Variants in GRM8 observed in about 807,000 individuals in gnomAD.
The protein encoded by GRM8 is metabotropic glutamate receptor 8.
A neutral mutation model predicts 87.2 loss-of-function variants in GRM8; 47 were observed. The ratio of observed to expected loss-of-function variants is 0.54; its 90% CI spans 0.43 to 0.69. The LOEUF (loss-of-function observed/expected upper bound fraction) is 0.69. GRM8 is among the 30% of genes least tolerant of loss of function. The pLI, the probability that GRM8 is intolerant of heterozygous loss-of-function variation, is 0.00. For missense variants in GRM8, 1,019 were observed against 1,139.2 expected, an observed-to-expected ratio of 0.89 and a Z score of 1.52; for synonymous variants, 396 against 404.5, an observed-to-expected ratio of 0.98 and a Z score of 0.25.
intron 3 of GRM8, among the ~76,000 whole-genome samples, chr7:127,051,782 T>C (rs1437329973): frequency 9.4e-6 from 1 of 106,188 alleles, no homozygotes; most frequent in Non-Finnish European, 1.9e-5. Context: ...TATAAAACAA[T>C]GCATACATTT....
intron 2 of GRM8, among the ~76,000 whole-genome samples, chr7:127,225,648 A>G (rs973219967): frequency 1.6e-4 from 24 of 149,208 alleles, no homozygotes; most frequent in African/African-American, 4.9e-4. Flanking sequence ...GATAGATATA[A>G]TATCTATTTT....
intron 7 of GRM8, among the ~76,000 whole-genome samples, chr7:126,719,806 T>G (rs1219088786): frequency 1.3e-4 from 20 of 150,294 alleles, no homozygotes; most frequent in Admixed American, 1.3e-3. Context: ...TTTTTTTTTT[T>G]CTTTAAAGCA....
At chr7:126,579,286 C>G (rs1227570304) in intron 8 of GRM8, among the ~76,000 whole-genome samples, 1 of 152,130 alleles carries the variant, frequency 6.6e-6, no homozygotes, top group Non-Finnish European at 1.5e-5. Context: ...CTTTTTGTGA[C>G]TGGTATTCTT....
At chr7:126,804,928 A>C (rs1431224659) in intron 6 of GRM8, among the ~76,000 whole-genome samples, 1 of 152,126 alleles carries the variant, frequency 6.6e-6, no homozygotes, top group Non-Finnish European at 1.5e-5. Flanking sequence ...CTCCCCTCCA[A>C]ATAAATAAAT....
chr7:126,823,989 G>A (rs1489892214), intron 6 of GRM8, among the ~76,000 whole-genome samples: 1 of 152,132 alleles, frequency 6.6e-6, no homozygotes, highest in Non-Finnish European at 1.5e-5. Context: ...GAGGTTCAGG[G>A]AGAGAGAAGG....
intron 8 of GRM8, among the ~76,000 whole-genome samples, chr7:126,561,233 G>A (rs1793658040): frequency 6.6e-6 from 1 of 152,196 alleles, no homozygotes; most frequent in African/African-American, 2.4e-5. Context: ...AGCACTTTGG[G>A]AGGCCAAGGT....
intron 3 of GRM8, among the ~76,000 whole-genome samples, chr7:127,033,391 G>A (rs375088694): frequency 2.0e-5 from 3 of 151,910 alleles, no homozygotes; most frequent in East Asian, 3.9e-4. Context: ...GTCAGATTAG[G>A]ACACCTATAT....
chr7:126,931,111 G>A (rs532305045), intron 3 of GRM8, among the ~76,000 whole-genome samples: 12 of 152,284 alleles, frequency 7.9e-5, no homozygotes, highest in South Asian at 4.1e-4. Context: ...GGAAAAATGC[G>A]TTAGTTAAAA....
At chr7:127,062,452 A>G (rs1360260654) in intron 3 of GRM8, among the ~76,000 whole-genome samples, 1 of 152,208 alleles carries the variant, frequency 6.6e-6, no homozygotes, top group African/African-American at 2.4e-5. Context: ...GGCCACCATG[A>G]CACTGCAAGC....
chr7:126,834,574 T>G (rs1795673952), intron 6 of GRM8, among the ~76,000 whole-genome samples: 1 of 152,096 alleles, frequency 6.6e-6, no homozygotes, highest in South Asian at 2.1e-4. Context: ...ACAATAACAT[T>G]CAGAAAAAAG....
intron 7 of GRM8, among the ~76,000 whole-genome samples, chr7:126,633,058 C>T (rs1585299954): frequency 1.3e-5 from 2 of 151,416 alleles, no homozygotes; most frequent in African/African-American, 4.9e-5. Context: ...AAAATATTTG[C>T]TTTGAATATA....
intron 3 of GRM8, among the ~76,000 whole-genome samples, chr7:126,918,544 A>C (rs1804173488): frequency 6.6e-6 from 1 of 152,228 alleles, no homozygotes; most frequent in Non-Finnish European, 1.5e-5. Context: ...CAATCCTAAG[A>C]ATGAAGGATT....
chr7:126,791,589 T>C (rs1821334750), intron 6 of GRM8, among the ~76,000 whole-genome samples: 1 of 152,198 alleles, frequency 6.6e-6, no homozygotes, highest in Non-Finnish European at 1.5e-5. Flanking sequence ...GGAAACTGAC[T>C]TGTAATGTCT....
chr7:126,959,079 A>C (rs531398442), intron 3 of GRM8, among the ~76,000 whole-genome samples: 1 of 152,356 alleles, frequency 6.6e-6, no homozygotes, highest in African/African-American at 2.4e-5. Flanking sequence ...GATGAGGCCA[A>C]TGAGCTTTAA....
At chr7:127,159,436 A>G (rs1366784229) in intron 2 of GRM8, among the ~76,000 whole-genome samples, 1 of 152,216 alleles carries the variant, frequency 6.6e-6, no homozygotes, top group Admixed American at 6.5e-5. Flanking sequence ...AAGCTTTTAG[A>G]CAAGGCAACT....
chr7:126,846,268 A>G (rs1014121611), intron 6 of GRM8, among the ~76,000 whole-genome samples: 1 of 152,194 alleles, frequency 6.6e-6, no homozygotes, highest in Non-Finnish European at 1.5e-5. Flanking sequence ...CTTCACTCAA[A>G]AATGTGACTA....
intron 9 of GRM8, among the ~76,000 whole-genome samples, chr7:126,461,761 A>G (rs1200934018): frequency 6.6e-6 from 1 of 151,658 alleles, no homozygotes; most frequent in Non-Finnish European, 1.5e-5. Context: ...TCTCATTCTC[A>G]TGATCACAGC....
chr7:126,909,537 T>C (rs977360874), intron 3 of GRM8, among the ~76,000 whole-genome samples: 1 of 152,246 alleles, frequency 6.6e-6, no homozygotes, highest in Non-Finnish European at 1.5e-5. Context: ...TACTGTTCTG[T>C]AATTTTTAAA....
Position 127,180,683 on chromosome 7 carries a change from G to T in GRM8, c.510+62012C>A, listed in dbSNP as rs959270574. ...GTGAGTTTCATACCAGGGATGCAGG[G>T]ATGGTTTAACATATGCAAGTCAATA... On this transcript the variant is annotated intron_variant, in intron 2 of 10. Transcript: ENST00000339582. Among the ~76,000 whole-genome samples, 13 of 152,168 alleles carry T rather than the reference G, an allele frequency of 8.5e-5. No homozygotes were observed. In the East Asian group the frequency reaches 2.3e-3, roughly 27 times the overall value.
Sources: gnomAD v4.1 joint callset for allele counts (sites outside exome capture counted in the v4.1 genomes callset) on GRCh38, gnomAD v4.1.1 for gene constraint, MANE v1.5 for transcripts, NCBI Gene and HGNC (gene_info 2026-07-23, HGNC 2026-07-21) for gene names.